ETV1: variants seen among roughly 807,000 people sequenced by gnomAD.
ETV1 encodes ETS variant transcription factor 1.
Under a neutral mutation model 62.3 loss-of-function variants are expected in ETV1, and 27 were observed. The ratio of observed to expected loss-of-function variants is 0.43; its 90% CI spans 0.32 to 0.60. The LOEUF is 0.60. ETV1 is among the 20% of genes least tolerant of loss of function. ETV1 has a pLI of 0.06. For missense variants in ETV1, 605 were observed against 605.8 expected (o/e 1.00, Z 0.01); for synonymous variants, 222 against 199.6 (o/e 1.11, Z -0.94).
chr7:13,905,491 C>T (rs1209385679), intron 12 of ETV1, among the ~76,000 whole-genome samples: 2 of 152,106 alleles, frequency 1.3e-5, no homozygotes, highest in South Asian at 2.1e-4. Context: ...GAAGACACAA[C>T]AATTTGATAT....
At chr7:13,988,196 C>T (rs1782721324) in intron 3 of ETV1, 23 bp from the exon 4 acceptor site, 3 of 1,536,284 alleles carry the variant, frequency 2.0e-6, no homozygotes, top group Non-Finnish European at 2.7e-6. Flanking sequence ...AGATAAAATC[C>T]TTTAAAAGAA....
intron 9 of ETV1, among the ~76,000 whole-genome samples, chr7:13,923,898 G>T (rs1342223637): frequency 1.3e-5 from 2 of 152,054 alleles, no homozygotes; most frequent in African/African-American, 4.8e-5. Context: ...CGGGCATGGT[G>T]GTGGCGCACG....
chr7:13,908,707 G>T (rs1353128440), intron 11 of ETV1, among the ~76,000 whole-genome samples: 2 of 152,030 alleles, frequency 1.3e-5, no homozygotes, highest in East Asian at 1.9e-4. Flanking sequence ...GGGAACATGG[G>T]GTAGTCTCCA....
At chr7:13,981,003 TAAG>T (rs769282052) in intron 5 of ETV1, among the ~76,000 whole-genome samples, 2 of 152,094 alleles carry the variant, frequency 1.3e-5, no homozygotes, top group Non-Finnish European at 2.9e-5. Context: ...AATCATTACT[TAAG>T]AAAAAGTAAG....
intron 6 of ETV1, among the ~76,000 whole-genome samples, chr7:13,972,534 A>T (rs73278725): frequency 0.026 from 3,900 of 152,284 alleles, 172 homozygotes; most frequent in African/African-American, 0.088. Flanking sequence ...TCCACTTCAG[A>T]AACATAAGGT....
chr7:13,938,759 G>A (rs1787109992), intron 7 of ETV1, among the ~76,000 whole-genome samples: 1 of 152,164 alleles, frequency 6.6e-6, no homozygotes, highest in Non-Finnish European at 1.5e-5. Context: ...GCTCAGACCT[G>A]CCAAATGTTT....
intron 6 of ETV1, among the ~76,000 whole-genome samples, chr7:13,943,603 T>C (rs1483046047): frequency 6.6e-6 from 1 of 152,068 alleles, no homozygotes; most frequent in Admixed American, 6.6e-5. Flanking sequence ...TAGCAAAAAC[T>C]GGAAAAACTC....
chr7:13,961,600 TC>T (rs991406499), intron 6 of ETV1, among the ~76,000 whole-genome samples: 1 of 152,100 alleles, frequency 6.6e-6, no homozygotes, highest in Non-Finnish European at 1.5e-5. Context: ...ACACTTTTTT[TC>T]CCTTTCAATG....
intron 9 of ETV1, among the ~76,000 whole-genome samples, chr7:13,913,219 G>GT (rs1254330210): frequency 1.2e-4 from 18 of 152,140 alleles, no homozygotes; most frequent in Non-Finnish European, 2.6e-4. Context: ...TTCAACAACC[G>GT]TAACAAGCTG....
chr7:13,900,764 A>C lies in ETV1; in HGVS notation c.1186T>G (p.Tyr396Asp). Residue 396 changes from tyrosine (Y) to aspartate (D), a missense_variant, in exon 13 of 14, where the codon TAC (tyrosine) becomes GAC (aspartate). Coordinates refer to ENST00000430479, the MANE Select transcript of ETV1 (RefSeq NM_004956.5). ...TTTTGCATAATTCCTTTCTCATAGT[A>C]ATAGCGGAGTGAACGGCTAAGTTTA... is the stretch of plus-strand genomic sequence containing the variant. The part of the protein sequence containing the change: ...YDKLSRSLRY[Y>D]YEKGIMQKVA... The C allele has an allele frequency of 6.2e-7, 1 of 1,610,646 alleles. No individual in the cohort carries two copies. Among genetic ancestry groups the C allele is most frequent in the Non-Finnish European group, 8.5e-7 (1 of 1,178,292 alleles).
chr7:13,925,937 T>C (rs1335816469), intron 9 of ETV1, among the ~76,000 whole-genome samples: 2 of 152,114 alleles, frequency 1.3e-5, no homozygotes, highest in Non-Finnish European at 2.9e-5. Flanking sequence ...AAAATATTAA[T>C]ACTTCACAGA....
intron 12 of ETV1, among the ~76,000 whole-genome samples, chr7:13,903,730 T>C (rs1262434022): frequency 7.7e-6 from 1 of 130,450 alleles, no homozygotes; most frequent in Non-Finnish European, 1.5e-5. Flanking sequence ...ACCACTGCAC[T>C]CCAGCCTGGG....
At chr7:13,976,635 A>G (rs894985713) in intron 6 of ETV1, among the ~76,000 whole-genome samples, 3 of 152,220 alleles carry the variant, frequency 2.0e-5, no homozygotes, top group African/African-American at 7.2e-5. Flanking sequence ...TGGCATTTAT[A>G]CCCTTTTCCT....
rs1377461633 is a variant in ETV1 at position 13,977,472 on chromosome 7, G to T, written c.190C>A (p.Pro64Thr). 1.3e-6 allele frequency: 2 copies of T among 1,542,646 alleles called. No homozygotes were observed. Among genetic ancestry groups the T allele is most frequent in the South Asian group, 2.4e-5 (2 of 82,742 alleles). Residue 64 changes from proline to threonine, a missense_variant, in exon 6 of 14, where the codon CCT becomes ACT. By Grantham distance (38) the Pro-to-Thr change is conservative. Transcript: ENST00000430479. Reference protein sequence around the residue: ...QETWLAEAQVPDNDEQFVPDY... With the variant: ...QETWLAEAQVTDNDEQFVPDY... ...GGTACAAACTGCTCATCATTGTCAG[G>T]TACCTGAGCTGAAGAAGAAAAAGAA...
chr7:13,936,081 A>T (rs1786779250), intron 7 of ETV1, among the ~76,000 whole-genome samples, 185 bp from the exon 8 acceptor site: 1 of 152,340 alleles, frequency 6.6e-6, no homozygotes, highest in South Asian at 2.1e-4. Context: ...CCTTAAACAG[A>T]AAATAGGATG....
intron 5 of ETV1, among the ~76,000 whole-genome samples, chr7:13,982,897 A>G (rs7790991): frequency 0.57 from 86,994 of 151,806 alleles, 25,266 homozygotes; most frequent in African/African-American, 0.63. Flanking sequence ...TACACATAGT[A>G]AGTAACAATA....
Position 13,971,642 on chromosome 7 carries a change from C to T in ETV1, c.235+5785G>A, listed in dbSNP as rs140093972. ...ATAACCCTGGGACTTATGCACACTC[C>T]TGGAAATGCTCTGGAAGAAGATAAA... On this transcript the variant is annotated intron_variant, in intron 6 of 13. Transcript: ENST00000430479. 3.6e-3 allele frequency among the ~76,000 whole-genome samples: 544 copies of T among 152,234 alleles called. 3 individuals carry two copies. The highest frequency in any genetic ancestry group is 0.012 in the African/African-American group (510 of 41,526).
At chr7:13,930,603 G>C (rs559898395) in intron 9 of ETV1, among the ~76,000 whole-genome samples, 20 of 152,088 alleles carry the variant, frequency 1.3e-4, no homozygotes, top group African/African-American at 2.4e-4. Context: ...TTACAGGCGT[G>C]AGCCACCAGA....
chr7:13,947,278 G>A (rs1480796331), intron 6 of ETV1, among the ~76,000 whole-genome samples: 3 of 151,162 alleles, frequency 2.0e-5, no homozygotes, highest in African/African-American at 2.4e-5. Flanking sequence ...GATGGATGAT[G>A]TCTTGTAAAT....
Sources: allele counts gnomAD v4.1 joint callset (sites outside exome capture counted in the v4.1 genomes callset), GRCh38; gene constraint gnomAD v4.1.1; transcripts MANE v1.5; gene names NCBI Gene and HGNC (gene_info 2026-07-23, HGNC 2026-07-21).